Variants in PARD3B observed in about 807,000 individuals in gnomAD.
PARD3B encodes the protein partitioning defective 3 homolog B.
A neutral mutation model predicts 130.2 loss-of-function variants in PARD3B; 103 were observed. The observed-to-expected ratio is 0.79, with a 90% CI of 0.67 to 0.93. The LOEUF (loss-of-function observed/expected upper bound fraction) is 0.93. PARD3B is among the 40% of genes least tolerant of loss of function. The probability of loss-of-function intolerance (pLI) is 0.00; values close to 1 mark genes in which losing one functional copy is unlikely to be tolerated. For missense variants in PARD3B, 1,609 were observed against 1,499.2 expected, an observed-to-expected ratio of 1.07 and a Z score of -1.21; for synonymous variants, 583 against 553.2, an observed-to-expected ratio of 1.05 and a Z score of -0.76.
chr2:204,739,891 G>T (rs960071430), intron 2 of PARD3B, among the ~76,000 whole-genome samples: 4 of 151,438 alleles, frequency 2.6e-5, no homozygotes, highest in African/African-American at 9.7e-5. Context: ...GCTTTATTTT[G>T]TAATCATAAC....
intron 2 of PARD3B, among the ~76,000 whole-genome samples, chr2:204,883,455 A>ATATATATATTTTTTTTTT (rs1377428928): frequency 1.3e-5 from 1 of 77,272 alleles, no homozygotes; most frequent in African/African-American, 5.5e-5. Context: ...ATATATATAT[A>ATATATATATTTTTTTTTT]TTTTTTTTTT....
intron 21 of PARD3B, among the ~76,000 whole-genome samples, chr2:205,552,575 A>T (rs1191482581): frequency 6.6e-6 from 1 of 151,850 alleles, no homozygotes; most frequent in Non-Finnish European, 1.5e-5. Context: ...CACCCGGCTA[A>T]TTTTTGTATC....
At chr2:205,370,295 C>T (rs1574831721) in intron 18 of PARD3B, among the ~76,000 whole-genome samples, 1 of 152,090 alleles carries the variant, frequency 6.6e-6, no homozygotes, top group Admixed American at 6.6e-5. Context: ...AAATGAAACC[C>T]CTCATCTACT....
At chr2:205,203,251 T>A (rs10210606) in intron 15 of PARD3B, among the ~76,000 whole-genome samples, 2,959 of 152,250 alleles carry the variant, frequency 0.019, 40 homozygotes, top group Middle Eastern at 0.037. Flanking sequence ...GAAATTTTGG[T>A]CAATGGAAAA....
At chr2:205,212,941 G>A (rs1386502462) in intron 15 of PARD3B, among the ~76,000 whole-genome samples, 1 of 152,084 alleles carries the variant, frequency 6.6e-6, no homozygotes, top group Admixed American at 6.6e-5. Context: ...TTTTTGCACA[G>A]CAATTCCATC....
At chr2:204,691,858 A>T (rs960154018) in intron 2 of PARD3B, among the ~76,000 whole-genome samples, 5 of 152,124 alleles carry the variant, frequency 3.3e-5, no homozygotes, top group Non-Finnish European at 7.4e-5. Flanking sequence ...TTATAAGAAG[A>T]TATTGAATAT....
intron 2 of PARD3B, among the ~76,000 whole-genome samples, chr2:204,696,730 A>G (rs2037628047): frequency 6.6e-6 from 1 of 152,120 alleles, no homozygotes; most frequent in African/African-American, 2.4e-5. Flanking sequence ...TCATGTGAAT[A>G]TGGAAACTTC....
intron 1 of PARD3B, among the ~76,000 whole-genome samples, chr2:204,683,385 T>C (rs1473765529): frequency 6.6e-6 from 1 of 152,190 alleles, no homozygotes; most frequent in Non-Finnish European, 1.5e-5. Context: ...CCTTTTCATA[T>C]CTGATCAGTT....
At chr2:205,494,105 G>T (rs2049837773) in intron 20 of PARD3B, among the ~76,000 whole-genome samples, 1 of 152,000 alleles carries the variant, frequency 6.6e-6, no homozygotes, top group African/African-American at 2.4e-5. Context: ...TGGACACCAG[G>T]CTGGTACCCA....
rs2036057786 is a variant in PARD3B, at chr2:205,185,694, C to A, written c.1925-70C>A. 14 of 1,362,584 alleles carry A rather than the reference C, an allele frequency of 1.0e-5. No individual in the cohort carries two copies. The Middle Eastern group carries it at 1.4e-3, about 139-fold the overall frequency. 84.4% of individuals were successfully genotyped at this position (1,362,584 alleles called of 1,614,324 possible). A position where few individuals can be genotyped will look rare whatever the true frequency, so the allele number is the denominator to read the frequency against. ...GCTAAAACTGCGTCTGAGAGAGATA[C>A]TGAAACCAAACCAGGCATCGAATGG... On this transcript the variant is annotated intron_variant, in intron 13 of 22. Coordinates refer to ENST00000406610, the MANE Select transcript of PARD3B (RefSeq NM_001302769.2).
intron 2 of PARD3B, among the ~76,000 whole-genome samples, chr2:204,961,986 A>G (rs1003474096): frequency 6.6e-6 from 1 of 152,052 alleles, no homozygotes; most frequent in Admixed American, 6.6e-5. Flanking sequence ...AGGGGAGGCA[A>G]AAAATGGGGT....
At chr2:204,905,390 T>C (rs1226617322) in intron 2 of PARD3B, among the ~76,000 whole-genome samples, 2 of 152,138 alleles carry the variant, frequency 1.3e-5, no homozygotes, top group Admixed American at 6.5e-5. Context: ...TGGTCTCCAG[T>C]GGTATAGTGT....
intron 4 of PARD3B, among the ~76,000 whole-genome samples, chr2:205,066,164 C>G (rs1700364165): frequency 6.6e-6 from 1 of 152,144 alleles, no homozygotes; most frequent in South Asian, 2.1e-4. Flanking sequence ...CCCCGACAGA[C>G]CCTGTGCATA....
At chr2:204,991,980 CT>C (rs1425541352) in intron 3 of PARD3B, among the ~76,000 whole-genome samples, 1 of 151,818 alleles carries the variant, frequency 6.6e-6, no homozygotes. Context: ...GATATTAGCC[CT>C]TTGTCAGATG....
intron 4 of PARD3B, among the ~76,000 whole-genome samples, chr2:205,087,345 A>G (rs1315801391): frequency 2.0e-5 from 3 of 152,214 alleles, no homozygotes; most frequent in Non-Finnish European, 4.4e-5. Context: ...TGTACTTTCC[A>G]TAAATTAGCT....
At position 205,564,817 on chromosome 2, in the gene PARD3B, ATG is replaced by A. The variant is rs2053263075; in HGVS notation, c.3260+11417_3260+11418del. On this transcript the variant is annotated intron_variant, in intron 22 of 22. Transcript: ENST00000406610. This position sits in a 1 kb window ranked among gnomAD's most constrained non-coding sequence, Gnocchi z 4.6. ...GCAAAGGCAAACATTTGTGGTACAA[ATG>A]TGAGAGGGGTTGGTACAAAAACAGC... Among the ~76,000 whole-genome samples the A allele has an allele frequency of 6.6e-6, 1 of 152,296 alleles. No homozygotes were observed. The highest frequency in any genetic ancestry group is 2.1e-4 in the South Asian group (1 of 4,830).
At chr2:204,667,825 T>C (rs961239625) in intron 1 of PARD3B, among the ~76,000 whole-genome samples, 1 of 152,132 alleles carries the variant, frequency 6.6e-6, no homozygotes, top group Non-Finnish European at 1.5e-5. Context: ...TAAATAACAG[T>C]TTGGTTTAAA....
At chr2:204,810,689 G>A (rs1018948302) in intron 2 of PARD3B, among the ~76,000 whole-genome samples, 1 of 152,082 alleles carries the variant, frequency 6.6e-6, no homozygotes, top group Non-Finnish European at 1.5e-5. Flanking sequence ...GCTTTTTGAT[G>A]TGTTGCTGGG....
intron 2 of PARD3B, among the ~76,000 whole-genome samples, chr2:204,940,756 A>T (rs1018607073): frequency 1.3e-5 from 2 of 152,108 alleles, no homozygotes; most frequent in Non-Finnish European, 2.9e-5. Flanking sequence ...GTTGCTAAGA[A>T]CTGCTAGTTG....
Sources: gnomAD v4.1 joint callset for allele counts (sites outside exome capture counted in the v4.1 genomes callset) on GRCh38, gnomAD v4.1.1 for gene constraint, Gnocchi (gnomAD v3.1) non-coding constraint, MANE v1.5 for transcripts, NCBI Gene and HGNC (gene_info 2026-07-23, HGNC 2026-07-21) for gene names.